Variants in AOX1 observed in about 807,000 individuals in gnomAD.
AOX1 encodes the protein aldehyde oxidase.
In AOX1, 153 loss-of-function variants were observed where a neutral mutation model predicts 169.5. The observed-to-expected ratio is 0.90, with a 90% CI of 0.79 to 1.03. AOX1 has a LOEUF of 1.03. AOX1 is among the 50% of genes least tolerant of loss of function. The pLI is 0.00. For synonymous variants in AOX1, 562 were observed against 581.9 expected, an observed-to-expected ratio of 0.97 and a Z score of 0.49; for missense variants, 1,656 against 1,663.9, an observed-to-expected ratio of 1.00 and a Z score of 0.08.
rs1454999351 is a variant in AOX1 at position 200,638,292 on chromosome 2, G to A, written c.2558G>A (p.Gly853Glu). Residue 853 changes from glycine (G) to glutamate (E), a missense_variant, in exon 23 of 35, where the codon GGA (glycine) becomes GAA (glutamate). Physicochemically the swap from Gly to Glu is moderately conservative, Grantham distance 98. Transcript: ENST00000374700. ...ACTGGAGGCCGCCATCCTTACCTTG[G>A]AAAGTACAAAGTGAGTACAAGAGGG... is the stretch of plus-strand genomic sequence containing the variant. ...LITGGRHPYL[G>E]KYKAGFMNDG... 1.2e-6 allele frequency: 2 copies of A among 1,613,548 alleles called. No homozygotes were observed. Among genetic ancestry groups the A allele is most frequent in the African/African-American group, 1.3e-5 (1 of 75,022 alleles).
At chr2:200,587,283 A>C (rs1275327198) in intron 1 of AOX1, among the ~76,000 whole-genome samples, 1 of 152,112 alleles carries the variant, frequency 6.6e-6, no homozygotes, top group African/African-American at 2.4e-5. Context: ...GTGAGATCCT[A>C]TTTCTTAAAA....
chr2:200,625,740 T>C (rs926887552), intron 19 of AOX1, among the ~76,000 whole-genome samples: 1 of 152,208 alleles, frequency 6.6e-6, no homozygotes, highest in Non-Finnish European at 1.5e-5. Context: ...CTTTTAAAAA[T>C]AGGATTTATA....
At position 200,593,181 on chromosome 2, in the gene AOX1, G is replaced by C. The variant is rs1221725301; in HGVS notation, c.81G>C (p.Leu27=). 4 of 1,613,686 alleles carry C rather than the reference G, an allele frequency of 2.5e-6. No homozygotes were observed. Among genetic ancestry groups the C allele is most frequent in the Non-Finnish European group, 3.4e-6 (4 of 1,179,772 alleles). ...IEKNVDPETM[L]LPYLRKKLRL... ...AAAATGTCGATCCTGAAACAATGCTGTTGCCTTATTTGAGGAAGAAGCGTA... is the reference window on the plus strand; with the variant it reads ...AAAATGTCGATCCTGAAACAATGCTCTTGCCTTATTTGAGGAAGAAGCGTA... Residue 27 remains leucine (L), a synonymous_variant, in exon 2 of 35, where the codon CTG becomes CTC. Transcript: ENST00000374700.
chr2:200,631,323 T>G (rs996870397), intron 20 of AOX1, among the ~76,000 whole-genome samples: 2 of 152,206 alleles, frequency 1.3e-5, no homozygotes, highest in Non-Finnish European at 2.9e-5. Context: ...TTCTCATTTA[T>G]CTCATTAAAA....
chr2:200,616,054 A>G lies in AOX1; in HGVS notation c.1695A>G (p.Leu565=). 4 of 1,611,264 alleles carry G rather than the reference A, an allele frequency of 2.5e-6. No homozygotes were observed. Among genetic ancestry groups the G allele is most frequent in the South Asian group, 2.2e-5 (2 of 91,030 alleles). ...DLHSKHHCST[L]KYQNIGPKQH... The stretch of plus-strand genomic sequence containing the variant: ...ATTCCAAACATCACTGCAGTACATT[A>G]AAGTACCAGGTGAGCGGTATTTCTT... Residue 565 remains leucine (L), a synonymous_variant, in exon 16 of 35, where the codon TTA becomes TTG. Coordinates refer to ENST00000374700, the MANE Select transcript of AOX1 (RefSeq NM_001159.4).
chr2:200,659,825 C>T (rs923382942), intron 28 of AOX1, among the ~76,000 whole-genome samples, 170 bp from the exon 29 acceptor site: 11 of 147,034 alleles, frequency 7.5e-5, no homozygotes, highest in Non-Finnish European at 1.3e-4. Context: ...CACACACACA[C>T]GTGCACACAC....
intron 23 of AOX1, among the ~76,000 whole-genome samples, chr2:200,639,478 C>G (rs372264580): frequency 9.9e-5 from 15 of 152,168 alleles, no homozygotes; most frequent in East Asian, 3.8e-4. Context: ...CTGTCTCCAT[C>G]GCAAAACTGC....
intron 27 of AOX1, among the ~76,000 whole-genome samples, chr2:200,657,289 C>T (rs751854756): frequency 2.9e-4 from 42 of 146,360 alleles, no homozygotes; most frequent in Non-Finnish European, 4.9e-4. Flanking sequence ...CCTGGGAGGT[C>T]GAAGCCTCAG....
At chr2:200,641,403 G>C (rs1465421917) in intron 24 of AOX1, among the ~76,000 whole-genome samples, 1 of 152,034 alleles carries the variant, frequency 6.6e-6, no homozygotes, top group Non-Finnish European at 1.5e-5. Context: ...CCCATACTTA[G>C]AGCTCTTTTC....
At position 200,627,354 on chromosome 2, in the gene AOX1, A is replaced by G. The variant is rs2035026672; in HGVS notation, c.2126A>G (p.Glu709Gly). Residue 709 changes from glutamate to glycine, a missense_variant and splice_region_variant, in exon 20 of 35, where the codon GAA (glutamate) becomes GGA (glycine). By Grantham distance (98) the Glu-to-Gly change is moderately conservative. Transcript: ENST00000374700. ...DLEPLILTIE[E>G]SIQHNSSFKP... ...CTCATTCCTCTGTTCTCTTTCTAGG[A>G]AAGTATACAACACAACTCCTCCTTC... 4.3e-6 allele frequency: 7 copies of G among 1,611,502 alleles called. No homozygotes were observed. Among genetic ancestry groups the G allele is most frequent in the African/African-American group, 1.3e-5 (1 of 74,954 alleles).
chr2:200,608,828 TCACCATCAC>T (rs2034569506), intron 10 of AOX1, among the ~76,000 whole-genome samples, 147 bp from the exon 11 acceptor site: 1 of 152,076 alleles, frequency 6.6e-6, no homozygotes, highest in Admixed American at 6.6e-5. Flanking sequence ...ATTACCTTCA[TCACCATCAC>T]CACCATCACT....
downstream of AOX1, chr2:200,678,403 T>C (rs2036126950): frequency 6.6e-6 from 1 of 152,236 alleles, no homozygotes; most frequent in African/African-American, 2.4e-5. Flanking sequence ...AGGGTTGTGT[T>C]ACAATGCAAA....
chr2:200,670,181 G>A (rs904893155), intron 34 of AOX1, among the ~76,000 whole-genome samples: 1 of 152,022 alleles, frequency 6.6e-6, no homozygotes, highest in South Asian at 2.1e-4. Context: ...CTCCCCTCTG[G>A]CAACAGCGCC....
downstream of AOX1, chr2:200,681,233 GC>G (rs2036150156): frequency 1.3e-5 from 2 of 152,352 alleles, no homozygotes; most frequent in African/African-American, 4.8e-5. Context: ...AACAATCATG[GC>G]ACTTCCAGCT....
At chr2:200,681,328 C>T (rs2036150908), downstream of AOX1, 1 of 152,658 alleles carries the variant, frequency 6.6e-6, no homozygotes, top group African/African-American at 2.4e-5. Context: ...TACCTCTAAA[C>T]TTTCCACCTG....
intron 5 of AOX1, among the ~76,000 whole-genome samples, chr2:200,602,047 A>T (rs1307749316): frequency 1.3e-5 from 2 of 152,002 alleles, no homozygotes; most frequent in African/African-American, 4.8e-5. Context: ...TGTCACAAGC[A>T]GAAGGCATAA....
chr2:200,631,067 A>G (rs2035116505), intron 20 of AOX1, among the ~76,000 whole-genome samples: 1 of 152,250 alleles, frequency 6.6e-6, no homozygotes, highest in Non-Finnish European at 1.5e-5. Flanking sequence ...AAGATAAAAT[A>G]TGTGGAGCAT....
At chr2:200,618,484 A>G (rs1248709721) in intron 16 of AOX1, among the ~76,000 whole-genome samples, 1 of 152,154 alleles carries the variant, frequency 6.6e-6, no homozygotes, top group Admixed American at 6.5e-5. Context: ...GTCAGCCACA[A>G]TTTGGTTGAC....
At position 200,668,706 on chromosome 2, in the gene AOX1, A is replaced by T; in HGVS notation, c.3701A>T (p.Asp1234Val). 2 of 1,614,212 alleles carry T rather than the reference A, an allele frequency of 1.2e-6. No homozygotes were observed. The highest frequency in any genetic ancestry group is 1.1e-5 in the South Asian group (1 of 91,084). The change falls in exon 33 of 35, where the codon GAC becomes GTC. Residue 1234 changes from aspartate to valine, a missense_variant. By Grantham distance (152) the Asp-to-Val change is radical (BLOSUM62 -3). Transcript: ENST00000374700. Reference protein sequence around the residue: ...PQGILHTRGPDQYKIPAICDM... With the variant: ...PQGILHTRGPVQYKIPAICDM... ...GGCATTCTGCACACTCGTGGTCCAGACCAATATAAAATCCCTGCCATCTGT... is the reference window on the plus strand; with the variant it reads ...GGCATTCTGCACACTCGTGGTCCAGTCCAATATAAAATCCCTGCCATCTGT...
Sources: gnomAD v4.1 joint callset for allele counts (sites outside exome capture counted in the v4.1 genomes callset) on GRCh38, gnomAD v4.1.1 for gene constraint, MANE v1.5 for transcripts, NCBI Gene and HGNC (gene_info 2026-07-23, HGNC 2026-07-21) for gene names.